The following FHIT variants were observed in gnomAD, a reference collection of about 807,000 sequenced individuals.
FHIT encodes the protein bis(5'-adenosyl)-triphosphatase.
Under a neutral mutation model 17.9 loss-of-function variants are expected in FHIT, and 19 were observed. That is an observed-to-expected ratio of 1.06 (90% CI 0.74 to 1.56). FHIT has a LOEUF of 1.56. FHIT is among the 40% of genes most tolerant of loss of function. The pLI is 0.00. For synonymous variants in FHIT, 81 were observed against 69.7 expected (o/e 1.16, Z -0.81); for missense variants, 248 against 189.2 (o/e 1.31, Z -1.82).
chr3:61,180,216 C>T (rs1345302171), intron 2 of FHIT, among the ~76,000 whole-genome samples: 1 of 152,178 alleles, frequency 6.6e-6, no homozygotes, highest in Non-Finnish European at 1.5e-5. Flanking sequence ...TGTAGTCAAT[C>T]ATAATTGTGC....
chr3:61,199,223 T>C (rs2106665539), intron 2 of FHIT, among the ~76,000 whole-genome samples: 1 of 152,328 alleles, frequency 6.6e-6, no homozygotes, highest in Non-Finnish European at 1.5e-5. Flanking sequence ...GGACTGTGCC[T>C]GTGTGGAAAC....
chr3:60,683,911 T>C (rs1445463970), intron 4 of FHIT, among the ~76,000 whole-genome samples: 1 of 152,170 alleles, frequency 6.6e-6, no homozygotes, highest in Non-Finnish European at 1.5e-5. Flanking sequence ...TGTCTATATT[T>C]TTTTCTCAGC....
intron 7 of FHIT, among the ~76,000 whole-genome samples, chr3:59,997,449 T>C (rs1699560584): frequency 6.6e-6 from 1 of 152,144 alleles, no homozygotes; most frequent in Non-Finnish European, 1.5e-5. Flanking sequence ...GCTGGGGTTA[T>C]TCAACAATGG....
chr3:61,148,610 G>C (rs2037295348), intron 2 of FHIT, among the ~76,000 whole-genome samples: 1 of 152,060 alleles, frequency 6.6e-6, no homozygotes, highest in Non-Finnish European at 1.5e-5. Flanking sequence ...TCTAAGGATA[G>C]ACATTTGGAT....
At chr3:60,163,262 G>A (rs1483767545) in intron 5 of FHIT, among the ~76,000 whole-genome samples, 1 of 152,058 alleles carries the variant, frequency 6.6e-6, no homozygotes, top group Non-Finnish European at 1.5e-5. Context: ...CCTCCAAAAT[G>A]AGTGCTCTTT....
At chr3:61,097,096 AAAAG>A (rs1274228615) in intron 2 of FHIT, among the ~76,000 whole-genome samples, 1 of 151,896 alleles carries the variant, frequency 6.6e-6, no homozygotes, top group African/African-American at 2.4e-5. Flanking sequence ...AAAAAAAAAA[AAAAG>A]ACGGGGGCGA....
intron 8 of FHIT, among the ~76,000 whole-genome samples, chr3:59,849,247 T>C (rs1430475675): frequency 6.6e-6 from 1 of 151,898 alleles, no homozygotes; most frequent in African/African-American, 2.4e-5. Flanking sequence ...GTGGTGCACG[T>C]CTGTAATCCC....
At chr3:60,561,944 G>C (rs2036966568) in intron 4 of FHIT, among the ~76,000 whole-genome samples, 1 of 141,542 alleles carries the variant, frequency 7.1e-6, no homozygotes, top group Admixed American at 7.6e-5. Flanking sequence ...GAGAAAGAGA[G>C]AAACAGAGAG....
chr3:60,614,260 C>G (rs143957176), intron 4 of FHIT, among the ~76,000 whole-genome samples: 1 of 152,280 alleles, frequency 6.6e-6, no homozygotes, highest in African/African-American at 2.4e-5. Context: ...GTAGATATTT[C>G]TTGGTTTTGC....
At chr3:60,420,314 AAC>A (rs1368739588) in intron 5 of FHIT, among the ~76,000 whole-genome samples, 5 of 152,268 alleles carry the variant, frequency 3.3e-5, no homozygotes, top group East Asian at 3.9e-4. Flanking sequence ...TAGCATGTAT[AAC>A]ACAGTTCATT....
intron 5 of FHIT, among the ~76,000 whole-genome samples, chr3:60,427,374 A>G (rs985200312): frequency 2.0e-5 from 3 of 152,076 alleles, no homozygotes; most frequent in Non-Finnish European, 4.4e-5. Flanking sequence ...AAGCCTCCAG[A>G]TAAGAGCACA....
intron 3 of FHIT, among the ~76,000 whole-genome samples, chr3:60,917,971 TC>T (rs1553767432): frequency 2.0e-5 from 3 of 152,176 alleles, no homozygotes; most frequent in Non-Finnish European, 4.4e-5. Flanking sequence ...CACCTAAATC[TC>T]ATCTTGAATT....
chr3:60,015,825 G>C (rs1700322254), intron 5 of FHIT, among the ~76,000 whole-genome samples: 2 of 151,882 alleles, frequency 1.3e-5, no homozygotes. Context: ...TGTAAATTTA[G>C]TAATATCAAT....
chr3:60,552,630 A>C (rs1263538809), intron 4 of FHIT, among the ~76,000 whole-genome samples: 1 of 152,114 alleles, frequency 6.6e-6, no homozygotes, highest in Non-Finnish European at 1.5e-5. Context: ...CAGCCTGTTC[A>C]TTGCCAACTT....
intron 3 of FHIT, among the ~76,000 whole-genome samples, chr3:60,957,451 A>G (rs1553779345): frequency 1.3e-5 from 2 of 152,112 alleles, no homozygotes; most frequent in African/African-American, 4.8e-5. Flanking sequence ...GTTAGCCACG[A>G]TGGTCTTGAT....
intron 2 of FHIT, among the ~76,000 whole-genome samples, chr3:61,085,888 T>C (rs2035291267): frequency 6.6e-6 from 1 of 152,150 alleles, no homozygotes; most frequent in African/African-American, 2.4e-5. Context: ...TTATAACCCT[T>C]TTTATATGTT....
At chr3:60,242,125 T>C (rs1187209803) in intron 5 of FHIT, among the ~76,000 whole-genome samples, 1 of 152,134 alleles carries the variant, frequency 6.6e-6, no homozygotes, top group African/African-American at 2.4e-5. Flanking sequence ...ATGTATTATC[T>C]TTCACGTTTT....
At chr3:59,949,630 C>G (rs1334561807) in intron 7 of FHIT, among the ~76,000 whole-genome samples, 1 of 152,198 alleles carries the variant, frequency 6.6e-6, no homozygotes, top group African/African-American at 2.4e-5. Flanking sequence ...TTCTCAGCTA[C>G]CACACTTCTA....
intron 4 of FHIT, among the ~76,000 whole-genome samples, chr3:60,734,221 G>T (rs917735906): frequency 6.6e-6 from 1 of 152,124 alleles, no homozygotes; most frequent in Non-Finnish European, 1.5e-5. Flanking sequence ...TGCAGTCTTA[G>T]AAACCATTTT....
Sources: allele counts gnomAD v4.1 joint callset (sites outside exome capture counted in the v4.1 genomes callset), GRCh38; gene constraint gnomAD v4.1.1; transcripts MANE v1.5; gene names NCBI Gene and HGNC (gene_info 2026-07-23, HGNC 2026-07-21).